The following CUL2 variants were observed in gnomAD, a reference collection of about 807,000 sequenced individuals.
CUL2 encodes the protein cullin 2, also known as cullin-2.
CUL2 carries 22 observed loss-of-function variants against 110.2 expected under a neutral mutation model. The observed-to-expected ratio is 0.20, with a 90% CI of 0.14 to 0.28. CUL2 has a LOEUF of 0.28. Ranked by LOEUF, CUL2 falls within the 10% of genes least tolerant of loss-of-function variation. CUL2 has a pLI of 1.00. For missense variants in CUL2, 631 were observed against 905.5 expected (o/e 0.70, Z 3.89); for synonymous variants, 279 against 293.2 (o/e 0.95, Z 0.49).
At chr10:35,071,022 A>T (rs1564737925) in intron 2 of CUL2, among the ~76,000 whole-genome samples, 177 bp downstream of exon 2, 2 of 152,190 alleles carry the variant, frequency 1.3e-5, no homozygotes, top group Non-Finnish European at 2.9e-5. Flanking sequence ...TACTTGTTGA[A>T]TGAAAGGTTA....
chr10:35,013,877 T>A, intron 18 of CUL2, 77 bp from the exon 19 acceptor site: 1 of 1,056,546 alleles, frequency 9.5e-7, no homozygotes, highest in Non-Finnish European at 1.3e-6. Context: ...GCAATTCTGC[T>A]AAATTAATGA....
At position 35,008,724 on chromosome 10, in the gene CUL2, G is replaced by A. The variant is rs2084821085; in HGVS notation, c.*1587C>T. Reference sequence around the variant, plus strand: ...TTCAGTAGATTTTTAAAACACTTGAGACACGAGTTAGAAAAAATGCAATTG... The same window carrying A: ...TTCAGTAGATTTTTAAAACACTTGAAACACGAGTTAGAAAAAATGCAATTG... On this transcript the variant is annotated 3_prime_UTR_variant, in exon 21 of 21. Coordinates refer to ENST00000374749, the MANE Select transcript of CUL2 (RefSeq NM_003591.4). 6.6e-6 allele frequency: 1 copy of A among 152,082 alleles called. No homozygotes were observed. Among genetic ancestry groups the A allele is most frequent in the Non-Finnish European group, 1.5e-5 (1 of 68,032 alleles). The allele number at this position is 152,082 out of a possible 1,614,324, so 9.4% of individuals were successfully genotyped here.
intron 4 of CUL2, among the ~76,000 whole-genome samples, chr10:35,057,495 A>G (rs1283349994): frequency 6.6e-6 from 1 of 151,856 alleles, no homozygotes; most frequent in Non-Finnish European, 1.5e-5. Flanking sequence ...TACTAAAAAA[A>G]TACAAAAATT....
At chr10:35,069,202 T>G (rs1281891242) in intron 2 of CUL2, among the ~76,000 whole-genome samples, 1 of 152,018 alleles carries the variant, frequency 6.6e-6, no homozygotes, top group African/African-American at 2.4e-5. Flanking sequence ...AGACTTTTTA[T>G]TTTGGGGGTG....
intron 1 of CUL2, among the ~76,000 whole-genome samples, chr10:35,108,438 C>G (rs570480686): frequency 7.0e-6 from 1 of 142,180 alleles, no homozygotes; most frequent in Non-Finnish European, 1.5e-5. Context: ...GCCTGGGCGA[C>G]AGTTAGACCC....
chr10:35,054,182 T>A (rs113828261), intron 5 of CUL2, among the ~76,000 whole-genome samples: 9 of 152,138 alleles, frequency 5.9e-5, no homozygotes, highest in Admixed American at 1.3e-4. Flanking sequence ...TGTTTCTGAG[T>A]TTTTTCACAA....
intron 16 of CUL2, among the ~76,000 whole-genome samples, chr10:35,026,984 C>G (rs960330290): frequency 2.6e-5 from 4 of 151,932 alleles, no homozygotes; most frequent in Non-Finnish European, 4.4e-5. Flanking sequence ...TCCCTCCCCC[C>G]TCCTCCCAGA....
At chr10:35,034,200 G>T (rs2085557439) in intron 10 of CUL2, among the ~76,000 whole-genome samples, 1 of 152,146 alleles carries the variant, frequency 6.6e-6, no homozygotes, top group African/African-American at 2.4e-5. Flanking sequence ...TCCCAGCCTT[G>T]ACACAAAATT....
chr10:35,011,022 G>A (rs1157093485), intron 20 of CUL2, among the ~76,000 whole-genome samples: 1 of 152,010 alleles, frequency 6.6e-6, no homozygotes, highest in Non-Finnish European at 1.5e-5. Context: ...AAGACTCAAT[G>A]AATCAGCAAG....
chr10:35,057,651 T>TG (rs929162152), intron 4 of CUL2, among the ~76,000 whole-genome samples: 5 of 135,478 alleles, frequency 3.7e-5, no homozygotes, highest in African/African-American at 1.1e-4. Context: ...AGACTCCGTC[T>TG]GAAAAAAAAA....
intron 1 of CUL2, among the ~76,000 whole-genome samples, chr10:35,113,181 C>CAAAA (rs71660665): frequency 8.2e-4 from 30 of 36,604 alleles, no homozygotes; most frequent in South Asian, 3.0e-3. Flanking sequence ...GACTCCATCT[C>CAAAA]AAAAAAAAAA....
intron 7 of CUL2, 43 bp downstream of exon 7, chr10:35,044,728 GA>G (rs1186712479): frequency 1.9e-6 from 3 of 1,582,518 alleles, no homozygotes; most frequent in Non-Finnish European, 2.6e-6. Flanking sequence ...AGCAGTTTAA[GA>G]AATTAACAGT....
intron 17 of CUL2, 135 bp downstream of exon 17, chr10:35,024,997 A>T: frequency 8.2e-7 from 1 of 1,218,426 alleles, no homozygotes; most frequent in Non-Finnish European, 1.1e-6. Flanking sequence ...TTTCATTGTT[A>T]GTTGCTTTAA....
chr10:35,050,301 C>T, intron 5 of CUL2, among the ~76,000 whole-genome samples: 1 of 142,736 alleles, frequency 7.0e-6, no homozygotes, highest in East Asian at 2.0e-4. Context: ...AGCCTGGTGA[C>T]AACAGTGCGA....
At chr10:35,024,399 C>G (rs1047717906) in intron 17 of CUL2, among the ~76,000 whole-genome samples, 9 of 152,040 alleles carry the variant, frequency 5.9e-5, no homozygotes, top group Admixed American at 1.3e-4. Flanking sequence ...AAGGTTATGG[C>G]AAATGATTTT....
chr10:35,039,048 C>T lies in CUL2; in HGVS notation c.749G>A (p.Cys250Tyr). 1 of 1,604,036 alleles carries T rather than the reference C, an allele frequency of 6.2e-7. No homozygotes were observed. Among genetic ancestry groups the T allele is most frequent in the Non-Finnish European group, 8.5e-7 (1 of 1,174,572 alleles). ...TGAACTTGGATGTAGGTATTTTCGA[C>T]ATCGAATTTCTTCATCTTTTAATCT... The part of the protein sequence containing the change: ...LGRLKDEEIR[C>Y]RKYLHPSSYT... The change falls in exon 9 of 21, where the codon TGT (cysteine) becomes TAT (tyrosine). Residue 250 changes from cysteine (C) to tyrosine (Y), a missense_variant. By Grantham distance (194) the Cys-to-Tyr change is radical. Transcript: ENST00000374749.
intron 1 of CUL2, among the ~76,000 whole-genome samples, chr10:35,121,108 A>C (rs555810660): frequency 6.6e-6 from 1 of 152,300 alleles, no homozygotes; most frequent in South Asian, 2.1e-4. Context: ...CATTCCCCAT[A>C]ATGTCATGTC....
At chr10:35,077,766 G>A (rs1230626868) in intron 1 of CUL2, among the ~76,000 whole-genome samples, 5 of 149,246 alleles carry the variant, frequency 3.4e-5, no homozygotes, top group East Asian at 2.0e-4. Context: ...GCGGTGAGTC[G>A]AGATCGTGCC....
chr10:35,107,766 C>A (rs575409347), intron 1 of CUL2, among the ~76,000 whole-genome samples: 50 of 151,276 alleles, frequency 3.3e-4, no homozygotes, highest in African/African-American at 1.1e-3. Flanking sequence ...CTTGTGGTCC[C>A]AGCAACTCGG....
Sources: allele counts gnomAD v4.1 joint callset (sites outside exome capture counted in the v4.1 genomes callset), GRCh38; gene constraint gnomAD v4.1.1; transcripts MANE v1.5; gene names NCBI Gene and HGNC (gene_info 2026-07-23, HGNC 2026-07-21).